FARS2: variants seen among roughly 807,000 people sequenced by gnomAD.
FARS2 encodes the protein phenylalanine--tRNA ligase, mitochondrial.
FARS2 carries 40 observed loss-of-function variants against 46.4 expected under a neutral mutation model. That is an observed-to-expected ratio of 0.86 (90% CI 0.67 to 1.12). FARS2 has a LOEUF of 1.12. Ranked by LOEUF, FARS2 falls within the 50% of genes most tolerant of loss-of-function variation. The pLI is 0.00. For missense variants in FARS2, 513 were observed against 567.9 expected (o/e 0.90, Z 0.98); for synonymous variants, 234 against 214.9 (o/e 1.09, Z -0.78).
At chr6:5,286,975 C>G (rs1398166728) in intron 1 of FARS2, among the ~76,000 whole-genome samples, 7 of 152,244 alleles carry the variant, frequency 4.6e-5, no homozygotes, top group Admixed American at 2.0e-4. Flanking sequence ...GGAAGACTCG[C>G]TGCACTTGTG....
At chr6:5,675,457 G>T (rs1778716738) in intron 6 of FARS2, among the ~76,000 whole-genome samples, 1 of 152,126 alleles carries the variant, frequency 6.6e-6, no homozygotes, top group Admixed American at 6.5e-5. Context: ...GTGTATTTTG[G>T]TATCAGTGTA....
intron 5 of FARS2, among the ~76,000 whole-genome samples, chr6:5,562,671 C>T (rs986272529): frequency 6.0e-5 from 9 of 149,618 alleles, no homozygotes; most frequent in Middle Eastern, 3.4e-3. Context: ...CTTAAAATGA[C>T]AACCTTGACT....
chr6:5,270,479 C>T (rs1209181544), intron 1 of FARS2, among the ~76,000 whole-genome samples: 1 of 152,234 alleles, frequency 6.6e-6, no homozygotes, highest in Non-Finnish European at 1.5e-5. Context: ...AGCTGTCAAG[C>T]TGTCTGGATG....
intron 4 of FARS2, among the ~76,000 whole-genome samples, chr6:5,463,405 T>C (rs1269175824): frequency 3.3e-5 from 5 of 152,226 alleles, no homozygotes; most frequent in Non-Finnish European, 7.3e-5. Flanking sequence ...TCACATTGTG[T>C]ACCTTGGTGT....
intron 1 of FARS2, among the ~76,000 whole-genome samples, chr6:5,291,887 T>G (rs1269616018): frequency 1.3e-5 from 2 of 152,230 alleles, no homozygotes; most frequent in Non-Finnish European, 2.9e-5. Flanking sequence ...TAAGATATAC[T>G]ATTTTATTAC....
At chr6:5,553,913 C>T (rs558014476) in intron 5 of FARS2, among the ~76,000 whole-genome samples, 3 of 152,106 alleles carry the variant, frequency 2.0e-5, no homozygotes, top group Non-Finnish European at 4.4e-5. Context: ...TCAGCTGCAT[C>T]GTCGTTCAAT....
At chr6:5,466,606 G>A (rs1765530115) in intron 4 of FARS2, 2 of 985,264 alleles carry the variant, frequency 2.0e-6, no homozygotes, top group South Asian at 9.4e-5. Flanking sequence ...ACTTCATAAT[G>A]GTCCTGATGG....
intron 1 of FARS2, among the ~76,000 whole-genome samples, chr6:5,358,553 T>A (rs1758086115): frequency 6.6e-6 from 1 of 152,126 alleles, no homozygotes; most frequent in South Asian, 2.1e-4. Context: ...TTGAGAGGAT[T>A]TTTTTCCCTG....
In FARS2 at chr6:5,265,659, A is replaced by C. The variant is rs548658065; in HGVS notation, c.-22+3999A>C. Among the ~76,000 whole-genome samples, 14 of 152,326 alleles carry C rather than the reference A, an allele frequency of 9.2e-5. No individual in the cohort carries two copies. In the East Asian group the frequency reaches 2.1e-3, roughly 23 times the overall value. On this transcript the variant is annotated intron_variant, in intron 1 of 6. Transcript: ENST00000274680. ...TGTGGTAACTTGAGGGCGATATATA[A>C]ATCAAACACTGATCCTGTTTTCCAG...
chr6:5,467,275 A>G (rs866773689), intron 4 of FARS2, among the ~76,000 whole-genome samples: 1 of 152,156 alleles, frequency 6.6e-6, no homozygotes, highest in Non-Finnish European at 1.5e-5. Context: ...TGGGCATTTT[A>G]AGGTTTCAGT....
intron 6 of FARS2, among the ~76,000 whole-genome samples, chr6:5,705,367 G>A (rs1348545405): frequency 1.3e-5 from 2 of 152,090 alleles, no homozygotes; most frequent in Non-Finnish European, 2.9e-5. Context: ...GCAGCGTGGA[G>A]GCCATGCGAA....
chr6:5,257,873 A>G (rs1764756307), upstream of FARS2, among the ~76,000 whole-genome samples: 1 of 152,230 alleles, frequency 6.6e-6, no homozygotes, highest in South Asian at 2.1e-4. Context: ...AGCATGCTTC[A>G]GAGATGTTTT....
At chr6:5,403,106 A>G (rs1013388389) in intron 2 of FARS2, among the ~76,000 whole-genome samples, 8 of 152,216 alleles carry the variant, frequency 5.3e-5, no homozygotes, top group Non-Finnish European at 1.0e-4. Flanking sequence ...TAGAGGAAGC[A>G]TTGACAGCCG....
chr6:5,445,474 G>A (rs1764131139), intron 4 of FARS2, among the ~76,000 whole-genome samples: 1 of 152,092 alleles, frequency 6.6e-6, no homozygotes, highest in South Asian at 2.1e-4. Flanking sequence ...TCATGAAATG[G>A]CCATGTTGTT....
chr6:5,631,434 A>G (rs1776287366), intron 6 of FARS2, among the ~76,000 whole-genome samples: 1 of 152,358 alleles, frequency 6.6e-6, no homozygotes. Flanking sequence ...GATATTCAAG[A>G]TTGAAAAATC....
intron 6 of FARS2, among the ~76,000 whole-genome samples, chr6:5,682,133 T>A (rs947620472): frequency 3.3e-4 from 50 of 152,212 alleles, no homozygotes; most frequent in African/African-American, 1.2e-3. Flanking sequence ...AAAAAGCAAA[T>A]TATAGTACAT....
At chr6:5,510,299 C>T (rs776479858) in intron 4 of FARS2, among the ~76,000 whole-genome samples, 2 of 152,122 alleles carry the variant, frequency 1.3e-5, no homozygotes, top group Non-Finnish European at 2.9e-5. Context: ...GAAGACTCTG[C>T]CTGGGTCGAC....
intron 6 of FARS2, among the ~76,000 whole-genome samples, chr6:5,637,277 G>T (rs189764580): frequency 6.6e-6 from 1 of 152,348 alleles, no homozygotes; most frequent in African/African-American, 2.4e-5. Context: ...CTAGGTAGTT[G>T]TATCTGATGG....
chr6:5,326,746 T>C (rs759539893), intron 1 of FARS2, among the ~76,000 whole-genome samples: 1 of 152,216 alleles, frequency 6.6e-6, no homozygotes. Flanking sequence ...GGCATCTCCA[T>C]GTGCCAGTGT....
Sources: allele counts gnomAD v4.1 joint callset (sites outside exome capture counted in the v4.1 genomes callset), GRCh38; gene constraint gnomAD v4.1.1; transcripts MANE v1.5; gene names NCBI Gene and HGNC (gene_info 2026-07-23, HGNC 2026-07-21).